The following TAF1B variants were observed in gnomAD, a reference collection of about 807,000 sequenced individuals.
TAF1B encodes the protein TATA box-binding protein-associated factor RNA polymerase I subunit B.
In TAF1B, 61 loss-of-function variants were observed where a neutral mutation model predicts 83.9. The observed-to-expected ratio is 0.73, with a 90% CI of 0.59 to 0.90. The LOEUF is 0.90. Among genes scored for constraint, TAF1B ranks in the 40% least tolerant of loss-of-function variants. TAF1B has a pLI of 0.00. For missense variants in TAF1B, 625 were observed against 677.0 expected (o/e 0.92, Z 0.85); for synonymous variants, 221 against 224.6 (o/e 0.98, Z 0.14).
intron 13 of TAF1B, among the ~76,000 whole-genome samples, 168 bp downstream of exon 13, chr2:9,919,279 G>A (rs1448342174): frequency 6.6e-6 from 1 of 152,138 alleles, no homozygotes; most frequent in Non-Finnish European, 1.5e-5. Flanking sequence ...AATCTCTGCA[G>A]GAATCTACTT....
At position 9,852,111 on chromosome 2, in the gene TAF1B, C is replaced by T. The variant is rs150093302; in HGVS notation, c.303+473C>T. ...CGTTCACCTGAGTGCATCAGAATCA[C>T]CTGGAGTGCTTGAAAAAACACCAAT... On this transcript the variant is annotated intron_variant, in intron 4 of 14. Transcript: ENST00000263663. 5.9e-3 allele frequency: 2,618 copies of T among 444,778 alleles called. 15 individuals are homozygous for T. Among genetic ancestry groups the T allele is most frequent in the Non-Finnish European group, 9.3e-3 (1,989 of 213,292 alleles). The allele number at this position is 444,778 out of a possible 1,614,324, so 27.6% of individuals were successfully genotyped here.
chr2:9,932,722 G>A (rs998339396), intron 14 of TAF1B, among the ~76,000 whole-genome samples: 5 of 152,364 alleles, frequency 3.3e-5, no homozygotes, highest in African/African-American at 9.6e-5. Flanking sequence ...AGACAGGGAC[G>A]TTTAAGTCTG....
At chr2:9,913,342 T>A in intron 12 of TAF1B, 93 bp downstream of exon 12, 1 of 982,896 alleles carries the variant, frequency 1.0e-6, no homozygotes. Context: ...TATACACTTA[T>A]CTACATTGTG....
chr2:9,876,357 A>G (rs779362192), intron 7 of TAF1B, among the ~76,000 whole-genome samples: 16 of 152,218 alleles, frequency 1.1e-4, no homozygotes, highest in Non-Finnish European at 2.2e-4. Flanking sequence ...TAAACAGGTG[A>G]TCTTTACATT....
chr2:9,920,155 T>G (rs560244711), intron 14 of TAF1B, among the ~76,000 whole-genome samples: 60 of 152,214 alleles, frequency 3.9e-4, no homozygotes, highest in Non-Finnish European at 8.2e-4. Context: ...TCTTTCTACC[T>G]CTTAATACTT....
At position 9,875,851 on chromosome 2, in the gene TAF1B, A is replaced by G. The variant is rs749514745; in HGVS notation, c.554-14A>G. ...GTTCACTGGATTTTTAAAAATCTCC[A>G]TTTATCTCCTAAGAAACGTCTGTCT... On this transcript the variant is annotated splice_polypyrimidine_tract_variant and intron_variant, in intron 6 of 14. Transcript: ENST00000263663. 1.9e-6 allele frequency: 3 copies of G among 1,555,038 alleles called. No homozygotes were observed. The highest frequency in any genetic ancestry group is 2.6e-6 in the Non-Finnish European group (3 of 1,142,374).
intron 1 of TAF1B, among the ~76,000 whole-genome samples, 177 bp from the exon 2 acceptor site, chr2:9,845,043 C>T (rs115323150): frequency 0.061 from 9,319 of 151,974 alleles, 312 homozygotes; most frequent in African/African-American, 0.074. Flanking sequence ...TAGTTTAATT[C>T]GGTTTCATAC....
intron 7 of TAF1B, 21 bp from the exon 8 acceptor site, chr2:9,882,684 CT>C (rs1553286959): frequency 5.1e-6 from 8 of 1,562,500 alleles, no homozygotes; most frequent in Admixed American, 3.7e-5. Context: ...CTCATTAAAC[CT>C]TTTTCTTTTT....
intron 14 of TAF1B, among the ~76,000 whole-genome samples, chr2:9,924,371 G>A (rs935220560): frequency 1.3e-5 from 2 of 152,172 alleles, no homozygotes; most frequent in Non-Finnish European, 2.9e-5. Context: ...CAAAAGGAGA[G>A]GTCTGAGAAG....
chr2:9,868,198 A>T, intron 5 of TAF1B, 78 bp from the exon 6 acceptor site: 3 of 1,449,544 alleles, frequency 2.1e-6, no homozygotes, highest in Non-Finnish European at 9.5e-7. Context: ...TGTTTGTGAT[A>T]GGAGTTGTTT....
At position 9,912,602 on chromosome 2, in the gene TAF1B, G is replaced by A. The variant is rs75043460; in HGVS notation, c.1181-557G>A. On this transcript the variant is annotated intron_variant, in intron 11 of 14. Transcript: ENST00000263663. ...CGTAGACATGTAGAATAAACAGAGC[G>A]CTTTGACCTGTCTCCCTGTAAGCCT... Among the ~76,000 whole-genome samples, 777 of 152,236 alleles carry A rather than the reference G, an allele frequency of 5.1e-3. 7 individuals carry two copies. The highest frequency in any genetic ancestry group is 0.018 in the African/African-American group (749 of 41,538).
chr2:9,886,789 A>G (rs1379244754), intron 8 of TAF1B, among the ~76,000 whole-genome samples: 2 of 152,222 alleles, frequency 1.3e-5, no homozygotes, highest in African/African-American at 2.4e-5. Flanking sequence ...ATTGCCGGCC[A>G]GGCGCAGTGG....
intron 7 of TAF1B, among the ~76,000 whole-genome samples, chr2:9,878,486 C>G (rs1203886590): frequency 6.6e-6 from 1 of 152,102 alleles, no homozygotes; most frequent in African/African-American, 2.4e-5. Context: ...ATTAGCCTGG[C>G]CAAAGTACCC....
In TAF1B at chr2:9,845,314, C is replaced by T. The variant is rs180788351; in HGVS notation, c.113C>T (p.Thr38Ile). The change falls in exon 2 of 15, where the codon ACA becomes ATA. Residue 38 changes from threonine to isoleucine, a missense_variant. Thr to Ile is a moderately conservative substitution (Grantham distance 89, BLOSUM62 -1). Coordinates refer to ENST00000263663, the MANE Select transcript of TAF1B (RefSeq NM_005680.3). ...KYYCTSCHNV[T>I]ERYQEVTNTD... ...TATTGCACTTCTTGCCACAATGTTA[C>T]AGAGGTAAGTAACAAATATCATTTA... The T allele has an allele frequency of 5.0e-6, 8 of 1,612,222 alleles. No individual in the cohort carries two copies. Among genetic ancestry groups the T allele is most frequent in the Non-Finnish European group, 6.8e-6 (8 of 1,178,424 alleles).
At chr2:9,843,720 C>G in intron 1 of TAF1B, 161 bp downstream of exon 1, 1 of 718,906 alleles carries the variant, frequency 1.4e-6, no homozygotes, top group Non-Finnish European at 2.1e-6. Context: ...TGGGGCTGGC[C>G]GGCCGCATGC....
At chr2:9,913,476 G>A in intron 12 of TAF1B, 1 of 420,572 alleles carries the variant, frequency 2.4e-6, no homozygotes. Flanking sequence ...TCCTCTTTCT[G>A]TTCCATGATC....
At chr2:9,874,456 TA>T (rs1454444996) in intron 6 of TAF1B, among the ~76,000 whole-genome samples, 2 of 152,086 alleles carry the variant, frequency 1.3e-5, no homozygotes, top group Non-Finnish European at 2.9e-5. Flanking sequence ...TTTTTTTTTT[TA>T]GAGAAAGTCT....
chr2:9,926,138 C>A (rs10803709), intron 14 of TAF1B, among the ~76,000 whole-genome samples: 1 of 151,868 alleles, frequency 6.6e-6, no homozygotes, highest in Non-Finnish European at 1.5e-5. Flanking sequence ...CTCTGCCCCC[C>A]ATTATTTGGA....
At chr2:9,861,205 CA>C (rs997411448) in intron 5 of TAF1B, among the ~76,000 whole-genome samples, 13 of 152,232 alleles carry the variant, frequency 8.5e-5, no homozygotes, top group African/African-American at 2.7e-4. Flanking sequence ...TAGTCAAAGA[CA>C]GGGGTGACAG....
Sources: gnomAD v4.1 joint callset for allele counts (sites outside exome capture counted in the v4.1 genomes callset) on GRCh38, gnomAD v4.1.1 for gene constraint, MANE v1.5 for transcripts, NCBI Gene and HGNC (gene_info 2026-07-23, HGNC 2026-07-21) for gene names.